COL24A1: variants seen among roughly 807,000 people sequenced by gnomAD.
The protein encoded by COL24A1 is collagen alpha-1(XXIV) chain.
Under a neutral mutation model 253.9 loss-of-function variants are expected in COL24A1, and 224 were observed. That is an observed-to-expected ratio of 0.88 (90% CI 0.79 to 0.99). COL24A1 has a LOEUF of 0.99. Ranked by LOEUF, COL24A1 falls within the 50% of genes least tolerant of loss-of-function variation. COL24A1 has a pLI of 0.00. For missense variants in COL24A1, 2,131 were observed against 2,068.5 expected (o/e 1.03, Z -0.59); for synonymous variants, 685 against 673.7 (o/e 1.02, Z -0.26).
At chr1:85,774,233 G>C (rs1570556130) in intron 53 of COL24A1, among the ~76,000 whole-genome samples, 1 of 152,256 alleles carries the variant, frequency 6.6e-6, no homozygotes, top group East Asian at 1.9e-4. Context: ...CTTGATCGTG[G>C]TGGGTAAGCT....
At chr1:86,052,693 A>G (rs1274199960) in intron 10 of COL24A1, among the ~76,000 whole-genome samples, 1 of 152,034 alleles carries the variant, frequency 6.6e-6, no homozygotes, top group Non-Finnish European at 1.5e-5. Flanking sequence ...ACTTAAGGCC[A>G]CTGACCACAT....
intron 13 of COL24A1, among the ~76,000 whole-genome samples, chr1:86,032,769 A>C (rs185471879): frequency 6.6e-6 from 1 of 152,248 alleles, no homozygotes; most frequent in Non-Finnish European, 1.5e-5. Flanking sequence ...TTAAAAACTC[A>C]AAATGCTCCT....
chr1:86,093,775 C>T (rs1289667289), intron 5 of COL24A1, among the ~76,000 whole-genome samples: 1 of 151,936 alleles, frequency 6.6e-6, no homozygotes, highest in East Asian at 1.9e-4. Context: ...TGTATAGGAA[C>T]TTAAACAAAT....
chr1:86,042,299 A>T (rs569665531), intron 12 of COL24A1, among the ~76,000 whole-genome samples: 1 of 152,300 alleles, frequency 6.6e-6, no homozygotes, highest in Non-Finnish European at 1.5e-5. Context: ...ATTTTTAAAT[A>T]ATCTTTGGTT....
At chr1:85,924,551 C>A (rs893120292) in intron 24 of COL24A1, among the ~76,000 whole-genome samples, 1 of 152,184 alleles carries the variant, frequency 6.6e-6, no homozygotes, top group South Asian at 2.1e-4. Flanking sequence ...ATCACATAAA[C>A]AGAACCAACA....
At chr1:85,881,015 A>G (rs189864387) in intron 32 of COL24A1, among the ~76,000 whole-genome samples, 115 of 152,320 alleles carry the variant, frequency 7.5e-4, no homozygotes, top group East Asian at 2.5e-3. Context: ...TTTGTTTTTA[A>G]GGTAATGCTC....
At chr1:86,098,040 T>C (rs1249435102) in intron 5 of COL24A1, among the ~76,000 whole-genome samples, 2 of 152,140 alleles carry the variant, frequency 1.3e-5, no homozygotes, top group Non-Finnish European at 2.9e-5. Flanking sequence ...AACAACATTA[T>C]GTGAGTATAC....
intron 47 of COL24A1, among the ~76,000 whole-genome samples, chr1:85,807,236 T>C (rs1027648522): frequency 2.6e-5 from 4 of 152,302 alleles, no homozygotes; most frequent in South Asian, 4.1e-4. Flanking sequence ...AGAAAGGGGT[T>C]CAAAGGCCCA....
At chr1:86,067,096 G>A (rs1477698940) in intron 7 of COL24A1, among the ~76,000 whole-genome samples, 4 of 151,494 alleles carry the variant, frequency 2.6e-5, no homozygotes, top group Non-Finnish European at 4.4e-5. Context: ...CCGAGATTGC[G>A]CCACTGCACT....
At chr1:86,147,659 G>A (rs1652086674) in intron 1 of COL24A1, among the ~76,000 whole-genome samples, 1 of 152,214 alleles carries the variant, frequency 6.6e-6, no homozygotes, top group Admixed American at 6.5e-5. Context: ...AAAAATTTGC[G>A]ATGGATATGC....
At chr1:85,795,694 T>A (rs1467788605) in intron 47 of COL24A1, among the ~76,000 whole-genome samples, 4 of 152,124 alleles carry the variant, frequency 2.6e-5, no homozygotes, top group Non-Finnish European at 5.9e-5. Flanking sequence ...CAGAGCATTA[T>A]GTTTATATAG....
intron 1 of COL24A1, chr1:86,155,789 AC>A (rs1223630976): frequency 6.6e-6 from 1 of 151,254 alleles, no homozygotes; most frequent in Non-Finnish European, 1.5e-5. Flanking sequence ...GGGTAAAACA[AC>A]CCCCCGACGC....
At chr1:86,018,474 A>G (rs1424290855) in intron 18 of COL24A1, among the ~76,000 whole-genome samples, 1 of 152,182 alleles carries the variant, frequency 6.6e-6, no homozygotes, top group Non-Finnish European at 1.5e-5. Flanking sequence ...GAAAGGGGCG[A>G]GGGGCTCTCA....
intron 22 of COL24A1, among the ~76,000 whole-genome samples, chr1:85,966,022 T>C (rs1691539030): frequency 6.6e-6 from 1 of 152,126 alleles, no homozygotes; most frequent in South Asian, 2.1e-4. Context: ...CAGGATCACT[T>C]TGATTCCAGG....
intron 24 of COL24A1, among the ~76,000 whole-genome samples, chr1:85,926,490 A>T (rs541751179): frequency 6.9e-4 from 105 of 152,326 alleles, no homozygotes; most frequent in African/African-American, 2.0e-3. Flanking sequence ...ATGCAGCCAT[A>T]AAAAGGGTGA....
chr1:85,872,591 G>A (rs1483250918), intron 35 of COL24A1, among the ~76,000 whole-genome samples: 3 of 152,066 alleles, frequency 2.0e-5, no homozygotes, highest in Non-Finnish European at 4.4e-5. Context: ...ATAGGGAAAG[G>A]ATTCCCTATT....
chr1:85,773,919 T>C (rs569670689), intron 53 of COL24A1, among the ~76,000 whole-genome samples: 33 of 152,032 alleles, frequency 2.2e-4, no homozygotes, highest in Admixed American at 1.9e-3. Flanking sequence ...TGACTAGGAG[T>C]GGTGAGAGAG....
intron 52 of COL24A1, among the ~76,000 whole-genome samples, chr1:85,776,083 A>G (rs1403052831): frequency 6.6e-6 from 1 of 151,916 alleles, no homozygotes; most frequent in Non-Finnish European, 1.5e-5. Context: ...ACTTTTGAAA[A>G]CCCTGTTTCT....
Position 85,944,624 on chromosome 1 carries a change from T to G in COL24A1, c.2562+16625A>C, listed in dbSNP as rs556498355. ...TTTTTTATTATTATTATACTTTAAG[T>G]TTTAGGGTAAATGTGCACAATGTGC... is the stretch of plus-strand genomic sequence containing the variant. On this transcript the variant is annotated intron_variant, in intron 24 of 59. Coordinates refer to ENST00000370571, the MANE Select transcript of COL24A1 (RefSeq NM_152890.7). Among the ~76,000 whole-genome samples the G allele has an allele frequency of 2.0e-5, 3 of 152,088 alleles. No individual in the cohort carries two copies. In the South Asian group the frequency reaches 6.2e-4, roughly 32 times the overall value.
Sources: gnomAD v4.1 joint callset for allele counts (sites outside exome capture counted in the v4.1 genomes callset) on GRCh38, gnomAD v4.1.1 for gene constraint, MANE v1.5 for transcripts, NCBI Gene and HGNC (gene_info 2026-07-23, HGNC 2026-07-21) for gene names.